The following DOCK8 variants were observed in gnomAD, a reference collection of about 807,000 sequenced individuals.
DOCK8 encodes dedicator of cytokinesis protein 8.
DOCK8 carries 141 observed loss-of-function variants against 245.6 expected under a neutral mutation model. That is an observed-to-expected ratio of 0.57 (90% CI 0.50 to 0.66). DOCK8 has a LOEUF of 0.66. DOCK8 is among the 30% of genes least tolerant of loss of function. The pLI, the probability that DOCK8 is intolerant of heterozygous loss-of-function variation, is 0.00. For missense variants in DOCK8, 2,965 were observed against 2,603.4 expected, an observed-to-expected ratio of 1.14 and a Z score of -3.02; for synonymous variants, 1,168 against 970.2, an observed-to-expected ratio of 1.20 and a Z score of -3.79.
At chr9:239,118 C>G (rs2047326460) in intron 1 of DOCK8, among the ~76,000 whole-genome samples, 1 of 152,190 alleles carries the variant, frequency 6.6e-6, no homozygotes, top group Non-Finnish European at 1.5e-5. Context: ...AATGTTATAA[C>G]TAAATGACTT....
Position 386,403 on chromosome 9 carries a change from G to T in DOCK8, c.2851G>T (p.Ala951Ser). The T allele has an allele frequency of 6.2e-7, 1 of 1,613,716 alleles. No individual in the cohort carries two copies. The highest frequency in any genetic ancestry group is 8.5e-7 in the Non-Finnish European group (1 of 1,179,808). The part of the protein sequence containing the change: ...GSSDAPSSPA[A>S]PRPASKKHFH... ...TAGTGATGCTCCAAGTTCACCTGCA[G>T]CCCCAAGGCCAGCCAGCAAAAAGGT... The change falls in exon 23 of 48, where the codon GCC (alanine) becomes TCC (serine). Residue 951 changes from alanine (A) to serine (S), a missense_variant. This residue lies in a region of DOCK8 where 2,825 missense variants were observed against 2,453.5 expected (regional missense o/e 1.15). Coordinates refer to ENST00000432829, the MANE Select transcript of DOCK8 (RefSeq NM_203447.4).
At chr9:448,706 C>G (rs912896511) in intron 44 of DOCK8, among the ~76,000 whole-genome samples, 5 of 152,138 alleles carry the variant, frequency 3.3e-5, no homozygotes, top group African/African-American at 7.2e-5. Flanking sequence ...TTCCTCTTCT[C>G]GTAAGGACAC....
intron 1 of DOCK8, among the ~76,000 whole-genome samples, chr9:262,050 C>G (rs192496489): frequency 2.3e-5 from 3 of 130,264 alleles, no homozygotes; most frequent in African/African-American, 8.5e-5. Context: ...CGCGATTTAC[C>G]TATGTTACAA....
chr9:215,503 C>A, intron 1 of DOCK8: 1 of 1,428,966 alleles, frequency 7.0e-7, no homozygotes, highest in East Asian at 2.8e-5. Flanking sequence ...TCGTCCTGAG[C>A]AAGGCTCCGT....
intron 28 of DOCK8, among the ~76,000 whole-genome samples, chr9:407,852 C>T (rs903049996): frequency 6.6e-6 from 1 of 152,178 alleles, no homozygotes; most frequent in African/African-American, 2.4e-5. Flanking sequence ...AAATTCGCTG[C>T]CCCTCAAGAG....
chr9:455,659 C>G (rs1249163098), intron 46 of DOCK8, among the ~76,000 whole-genome samples: 5 of 152,142 alleles, frequency 3.3e-5, no homozygotes, highest in Non-Finnish European at 7.4e-5. Flanking sequence ...TGCTTAATTT[C>G]CTCCCTTTCA....
At chr9:268,876 T>G (rs1418785367) in intron 1 of DOCK8, among the ~76,000 whole-genome samples, 2 of 152,232 alleles carry the variant, frequency 1.3e-5, no homozygotes, top group African/African-American at 2.4e-5. Context: ...TAGACCTTTG[T>G]TTTGGACAGT....
At chr9:403,892 C>G (rs28523957) in intron 26 of DOCK8, among the ~76,000 whole-genome samples, 1 of 73,784 alleles carries the variant, frequency 1.4e-5, no homozygotes, top group South Asian at 4.4e-4. Context: ...CTCTCTCTCT[C>G]TATATATATA....
intron 14 of DOCK8, among the ~76,000 whole-genome samples, chr9:355,030 A>G (rs376342593): frequency 1.5e-3 from 221 of 152,238 alleles, no homozygotes; most frequent in African/African-American, 5.2e-3. Flanking sequence ...TTATTTCATT[A>G]GAAGCTGCTG....
chr9:276,060 T>C (rs1321968726), intron 2 of DOCK8, among the ~76,000 whole-genome samples: 2 of 151,606 alleles, frequency 1.3e-5, no homozygotes, highest in Non-Finnish European at 2.9e-5. Flanking sequence ...CTGGCTAATT[T>C]TTGTATTTTT....
At chr9:436,182 T>A (rs2056895930) in intron 39 of DOCK8, among the ~76,000 whole-genome samples, 1 of 152,216 alleles carries the variant, frequency 6.6e-6, no homozygotes, top group Admixed American at 6.5e-5. Context: ...GAATAACTCC[T>A]CCTTTCTTAT....
rs2057929962 is a variant in DOCK8, at chr9:465,100, A to C, written c.*881A>C. On this transcript the variant is annotated 3_prime_UTR_variant, in exon 48 of 48. Transcript: ENST00000432829. ...CATTGTGCTGTCTGTCAGCATATGT[A>C]TATCAGCTACAAAATATATTCAACT... 1 of 152,666 alleles carries C rather than the reference A, an allele frequency of 6.6e-6. No individual in the cohort carries two copies. Among genetic ancestry groups the C allele is most frequent in the South Asian group, 2.1e-4 (1 of 4,838 alleles). The allele number at this position is 152,666 out of a possible 1,614,324, so 9.5% of individuals were successfully genotyped here.
intron 2 of DOCK8, among the ~76,000 whole-genome samples, chr9:281,641 CTGTGTG>C (rs60099453): frequency 2.7e-5 from 4 of 150,788 alleles, no homozygotes; most frequent in African/African-American, 7.3e-5. Context: ...GTTTGTGTGC[CTGTGTG>C]TGTGTGTGTG....
intron 1 of DOCK8, among the ~76,000 whole-genome samples, chr9:221,258 C>T (rs746815028): frequency 1.3e-5 from 2 of 152,084 alleles, no homozygotes; most frequent in Non-Finnish European, 2.9e-5. Context: ...GGCAACAGAA[C>T]CAGTTTCTCC....
intron 4 of DOCK8, among the ~76,000 whole-genome samples, chr9:303,487 G>T (rs2049658403): frequency 1.3e-5 from 2 of 151,930 alleles, no homozygotes; most frequent in African/African-American, 2.4e-5. Flanking sequence ...GGGTTTTTTT[G>T]CAGCAACATG....
intron 2 of DOCK8, among the ~76,000 whole-genome samples, chr9:273,808 G>T (rs1043747040): frequency 1.9e-5 from 2 of 104,686 alleles, no homozygotes; most frequent in Admixed American, 1.9e-4. Context: ...TGTAGTTCAA[G>T]CAATTCTCCT....
chr9:365,765 G>A (rs1031273085), intron 14 of DOCK8: 6 of 411,752 alleles, frequency 1.5e-5, no homozygotes, highest in East Asian at 7.0e-5. Flanking sequence ...CCTCAATCCC[G>A]CTTAACAGAC....
intron 1 of DOCK8, among the ~76,000 whole-genome samples, chr9:221,106 C>T (rs1247482162): frequency 6.6e-6 from 1 of 152,122 alleles, no homozygotes; most frequent in Non-Finnish European, 1.5e-5. Flanking sequence ...AGATTGACAC[C>T]TCTGAAAGTA....
intron 28 of DOCK8, among the ~76,000 whole-genome samples, chr9:408,861 AACACACACACACACAC>A (rs71314709): frequency 0.17 from 24,675 of 147,430 alleles, 2,134 homozygotes; most frequent in African/African-American, 0.24. Flanking sequence ...ACATTCTTCA[AACACACACACACACAC>A]ACACACACAC....
Sources: allele counts gnomAD v4.1 joint callset (sites outside exome capture counted in the v4.1 genomes callset), GRCh38; gene constraint gnomAD v4.1.1; regional missense constraint gnomAD v4.1.1; transcripts MANE v1.5; gene names NCBI Gene and HGNC (gene_info 2026-07-23, HGNC 2026-07-21).